Variants in SOX5 observed in about 807,000 individuals in gnomAD.
SOX5 encodes transcription factor SOX-5.
SOX5 carries 9 observed loss-of-function variants against 92.0 expected under a neutral mutation model. That is an observed-to-expected ratio of 0.10 (90% CI 0.06 to 0.17). The LOEUF (loss-of-function observed/expected upper bound fraction) is 0.17, where lower values mean the gene tolerates loss of function less well. SOX5 is among the 10% of genes least tolerant of loss of function. SOX5 has a pLI of 1.00. For missense variants in SOX5, 642 were observed against 944.5 expected (o/e 0.68, Z 4.20); for synonymous variants, 344 against 336.3 (o/e 1.02, Z -0.25).
In SOX5 at chr12:23,640,843, G is replaced by A; in HGVS notation, c.986C>T (p.Ala329Val). Residue 329 changes from alanine to valine, a missense_variant, in exon 8 of 15, where the codon GCA (alanine) becomes GTA (valine). By Grantham distance (64) the Ala-to-Val change is moderately conservative (BLOSUM62 0). Transcript: ENST00000451604. ...TTGGAGTGGGCCTAAGCCTGGTGTT[G>A]CTGCGGCAGCAGCTGCCATGGTAGT... ...IPTTMAAAAA[A>V]TPGLGPLQLQ... 1 of 1,613,894 alleles carries A rather than the reference G, an allele frequency of 6.2e-7. No homozygotes were observed. Among genetic ancestry groups the A allele is most frequent in the Non-Finnish European group, 8.5e-7 (1 of 1,179,808 alleles).
At chr12:24,414,921 A>G (rs898342219) in intron 1 of SOX5, among the ~76,000 whole-genome samples, 1 of 151,534 alleles carries the variant, frequency 6.6e-6, no homozygotes, top group Non-Finnish European at 1.5e-5. Context: ...TCCCCAGCAC[A>G]CTTACAGCAG....
At chr12:24,403,334 C>T (rs1017146520) in intron 1 of SOX5, among the ~76,000 whole-genome samples, 1 of 152,208 alleles carries the variant, frequency 6.6e-6, no homozygotes, top group Non-Finnish European at 1.5e-5. Context: ...TGTGTTTCCC[C>T]TGATAAATCA....
chr12:23,710,289 G>A (rs1161036826), intron 6 of SOX5, among the ~76,000 whole-genome samples: 6 of 152,000 alleles, frequency 3.9e-5, no homozygotes, highest in African/African-American at 9.7e-5. Context: ...TGTGCACAAC[G>A]TGCAGGTTTG....
chr12:24,215,874 A>AG (rs1469858136), intron 3 of SOX5, among the ~76,000 whole-genome samples: 1 of 152,178 alleles, frequency 6.6e-6, no homozygotes, highest in Non-Finnish European at 1.5e-5. Flanking sequence ...ACAATAATTA[A>AG]GACATTAGTG....
Position 23,640,552 on chromosome 12 carries a change from T to C in SOX5, c.1017+260A>G, listed in dbSNP as rs528645180. Among the ~76,000 whole-genome samples, 498 of 152,256 alleles carry C rather than the reference T, an allele frequency of 3.3e-3. 2 individuals carry two copies. The highest frequency in any genetic ancestry group is 0.011 in the African/African-American group (453 of 41,536). On this transcript the variant is annotated intron_variant, in intron 8 of 14. Transcript: ENST00000451604. The stretch of plus-strand genomic sequence containing the variant: ...GTGACAAAATTATGGCACGCAGTAA[T>C]CAAAGCAAAACTACAGCTCACTTTC...
At chr12:24,545,864 G>A (rs543867129) in intron 1 of SOX5, among the ~76,000 whole-genome samples, 6 of 152,240 alleles carry the variant, frequency 3.9e-5, no homozygotes, top group East Asian at 1.9e-4. Context: ...CTGGGTCTCC[G>A]TTCAGAACAT....
At chr12:24,470,997 T>C (rs573334617) in intron 1 of SOX5, among the ~76,000 whole-genome samples, 9 of 152,208 alleles carry the variant, frequency 5.9e-5, no homozygotes, top group Non-Finnish European at 1.2e-4. Flanking sequence ...TTTTGATCCA[T>C]TACCATTCAC....
At chr12:24,108,197 C>A (rs943149204) in intron 4 of SOX5, among the ~76,000 whole-genome samples, 1 of 152,138 alleles carries the variant, frequency 6.6e-6, no homozygotes. Context: ...CTATATCCAC[C>A]CTAATTGTCG....
chr12:23,932,908 CA>C (rs1569094723), intron 1 of SOX5, among the ~76,000 whole-genome samples: 1 of 151,560 alleles, frequency 6.6e-6, no homozygotes, highest in African/African-American at 2.4e-5. Flanking sequence ...TGTTACTTTG[CA>C]AGTGGAAAAG....
At position 23,584,671 on chromosome 12, in the gene SOX5, G is replaced by A. The variant is rs550445009; in HGVS notation, c.1165-8833C>T. The A allele has an allele frequency of 1.0e-4, 131 of 1,315,674 alleles. No individual in the cohort carries two copies. In the African/African-American group the frequency reaches 1.7e-3, roughly 17 times the overall value. 81.5% of individuals were successfully genotyped at this position (1,315,674 alleles called of 1,614,324 possible). On this transcript the variant is annotated intron_variant, in intron 9 of 14. Transcript: ENST00000451604. Reference sequence around the variant, plus strand: ...ATAAACCATGCATTGGTTTATATTTGGGAGATGAGTGAAGGCCAAATTGTC... The same window carrying A: ...ATAAACCATGCATTGGTTTATATTTAGGAGATGAGTGAAGGCCAAATTGTC...
At chr12:24,115,719 G>T (rs1947915632) in intron 4 of SOX5, among the ~76,000 whole-genome samples, 1 of 152,100 alleles carries the variant, frequency 6.6e-6, no homozygotes. Context: ...TGCTCAAAAA[G>T]GTTATATATA....
At chr12:23,910,418 T>C (rs1197358601) in intron 1 of SOX5, among the ~76,000 whole-genome samples, 1 of 152,138 alleles carries the variant, frequency 6.6e-6, no homozygotes, top group Admixed American at 6.6e-5. Context: ...CATCAAACCA[T>C]GTGGAAGATT....
intron 7 of SOX5, among the ~76,000 whole-genome samples, chr12:23,661,430 G>GT (rs1223910610): frequency 1.3e-5 from 2 of 152,158 alleles, no homozygotes; most frequent in Non-Finnish European, 2.9e-5. Flanking sequence ...GAGACAAAGT[G>GT]TTTTTGACTA....
intron 3 of SOX5, among the ~76,000 whole-genome samples, chr12:23,793,112 C>A (rs1326377710): frequency 2.0e-5 from 3 of 152,144 alleles, no homozygotes; most frequent in Non-Finnish European, 2.9e-5. Flanking sequence ...TCTGAAATTA[C>A]AGTAATCTTC....
At chr12:24,414,103 A>C (rs1202562995) in intron 1 of SOX5, among the ~76,000 whole-genome samples, 1 of 152,198 alleles carries the variant, frequency 6.6e-6, no homozygotes, top group Non-Finnish European at 1.5e-5. Flanking sequence ...ATTCACAGTC[A>C]GATACTATAA....
At chr12:23,545,614 C>A (rs1215958252) in intron 12 of SOX5, among the ~76,000 whole-genome samples, 1 of 151,952 alleles carries the variant, frequency 6.6e-6, no homozygotes, top group Non-Finnish European at 1.5e-5. Flanking sequence ...AGAAGGGTTC[C>A]AAAATGTAAG....
chr12:23,927,763 C>T (rs372171300), intron 1 of SOX5, among the ~76,000 whole-genome samples: 2 of 151,830 alleles, frequency 1.3e-5, no homozygotes, highest in African/African-American at 2.4e-5. Flanking sequence ...TCTTCAAGAA[C>T]CATTGGTATG....
intron 4 of SOX5, among the ~76,000 whole-genome samples, chr12:24,106,391 A>G (rs1390480022): frequency 1.3e-5 from 2 of 152,232 alleles, no homozygotes; most frequent in Non-Finnish European, 2.9e-5. Context: ...GAAATATTCA[A>G]AACTATACAT....
rs1401860196 is a variant in SOX5, at chr12:23,680,468, C to A, written c.811-14904G>T. 2.7e-5 allele frequency among the ~76,000 whole-genome samples: 4 copies of A among 148,812 alleles called. No individual in the cohort carries two copies. In the East Asian group the frequency reaches 7.9e-4, roughly 29 times the overall value. ...TGAACTAGATTTCAGTCCACAGAGA[C>A]AGAAAGATGGAAAATATAAAAGAGA... On this transcript the variant is annotated intron_variant, in intron 6 of 14. Transcript: ENST00000451604.
Sources: gnomAD v4.1 joint callset for allele counts (sites outside exome capture counted in the v4.1 genomes callset) on GRCh38, gnomAD v4.1.1 for gene constraint, MANE v1.5 for transcripts, NCBI Gene and HGNC (gene_info 2026-07-23, HGNC 2026-07-21) for gene names.